CLNK: variants seen among roughly 807,000 people sequenced by gnomAD.
The protein encoded by CLNK is cytokine-dependent hematopoietic cell linker.
CLNK carries 74 observed loss-of-function variants against 68.6 expected under a neutral mutation model. The observed-to-expected ratio is 1.08, with a 90% CI of 0.89 to 1.31. CLNK has a LOEUF of 1.31. CLNK is among the 50% of genes most tolerant of loss of function. The pLI, the probability that CLNK is intolerant of heterozygous loss-of-function variation, is 0.00. For synonymous variants in CLNK, 198 were observed against 172.2 expected, an observed-to-expected ratio of 1.15 and a Z score of -1.17; for missense variants, 553 against 515.3, an observed-to-expected ratio of 1.07 and a Z score of -0.71.
intron 18 of CLNK, among the ~76,000 whole-genome samples, chr4:10,500,544 G>A (rs1214769968): frequency 1.3e-5 from 2 of 152,068 alleles, no homozygotes; most frequent in Non-Finnish European, 2.9e-5. Context: ...GCCGGGTTTG[G>A]TGGGGCATGC....
At chr4:10,543,361 A>C (rs1392242332) in intron 8 of CLNK, among the ~76,000 whole-genome samples, 1 of 152,122 alleles carries the variant, frequency 6.6e-6, no homozygotes, top group Non-Finnish European at 1.5e-5. Context: ...GAAAATGTCT[A>C]TCTTTTGTTA....
chr4:10,631,881 A>T (rs1029332915), intron 2 of CLNK, among the ~76,000 whole-genome samples: 2 of 152,202 alleles, frequency 1.3e-5, no homozygotes, highest in Non-Finnish European at 2.9e-5. Context: ...CTATTGGACA[A>T]TTGGGTAAGG....
At chr4:10,501,435 A>T in intron 17 of CLNK, 24 bp from the exon 18 acceptor site, 1 of 1,601,202 alleles carries the variant, frequency 6.2e-7, no homozygotes, top group Non-Finnish European at 8.5e-7. Flanking sequence ...AGTAACAGTC[A>T]TCTTTTCAGA....
chr4:10,720,582 C>T, the CLNK span, among the ~76,000 whole-genome samples: 4 of 150,934 alleles, frequency 2.7e-5, no homozygotes, highest in Non-Finnish European at 4.4e-5. Flanking sequence ...CTCCGCAAAA[C>T]GTGTACCATT....
intron 8 of CLNK, among the ~76,000 whole-genome samples, chr4:10,551,701 G>A (rs191883579): frequency 6.7e-4 from 102 of 152,212 alleles, no homozygotes; most frequent in African/African-American, 2.3e-3. Context: ...TGGGGCTTAC[G>A]GGCTTATTGA....
intron 2 of CLNK, among the ~76,000 whole-genome samples, chr4:10,638,053 C>A (rs919676623): frequency 6.6e-6 from 1 of 152,194 alleles, no homozygotes; most frequent in Non-Finnish European, 1.5e-5. Flanking sequence ...CCCTGCAAGC[C>A]AGTGGCAGGT....
intron 2 of CLNK, among the ~76,000 whole-genome samples, chr4:10,644,090 G>A (rs977575006): frequency 1.3e-5 from 2 of 152,254 alleles, no homozygotes; most frequent in African/African-American, 2.4e-5. Flanking sequence ...TCAGGAAGCT[G>A]AGTATGGCTC....
chr4:10,510,483 T>G (rs1717531193), intron 16 of CLNK, among the ~76,000 whole-genome samples: 1 of 152,156 alleles, frequency 6.6e-6, no homozygotes, highest in Non-Finnish European at 1.5e-5. Context: ...AAATCAAAAA[T>G]AAAATTCTAA....
At chr4:10,685,410 G>C (rs1436037482), upstream of CLNK, among the ~76,000 whole-genome samples, 1 of 152,072 alleles carries the variant, frequency 6.6e-6, no homozygotes, top group Non-Finnish European at 1.5e-5. Flanking sequence ...TATTTTAGAA[G>C]TATTTCAATA....
At chr4:10,518,583 A>G (rs975376179) in intron 15 of CLNK, among the ~76,000 whole-genome samples, 2 of 152,232 alleles carry the variant, frequency 1.3e-5, no homozygotes, top group Admixed American at 1.3e-4. Flanking sequence ...GAATATAACC[A>G]AAACTGGGGC....
chr4:10,560,502 G>T (rs1719844806), intron 7 of CLNK, among the ~76,000 whole-genome samples: 1 of 152,172 alleles, frequency 6.6e-6, no homozygotes, highest in South Asian at 2.1e-4. Flanking sequence ...GGAATGCAGT[G>T]GCATGATTTC....
chr4:10,681,010 T>C (rs1258891321), intron 1 of CLNK, among the ~76,000 whole-genome samples: 43 of 152,118 alleles, frequency 2.8e-4, no homozygotes, highest in Non-Finnish European at 8.8e-5. Flanking sequence ...TATAAATTTC[T>C]ACAGGTAACC....
At chr4:10,569,188 C>CT (rs57423330) in intron 5 of CLNK, among the ~76,000 whole-genome samples, 8,747 of 124,340 alleles carry the variant, frequency 0.07, 392 homozygotes, top group Middle Eastern at 0.12. Context: ...CAAGACTGCC[C>CT]TTTTTTTTTT....
intron 2 of CLNK, among the ~76,000 whole-genome samples, chr4:10,661,668 A>G (rs1335037051): frequency 6.6e-6 from 1 of 152,216 alleles, no homozygotes; most frequent in African/African-American, 2.4e-5. Context: ...TTAAAACTAG[A>G]CACTGCATTC....
At chr4:10,623,930 T>G (rs1319444915) in intron 2 of CLNK, among the ~76,000 whole-genome samples, 1 of 152,070 alleles carries the variant, frequency 6.6e-6, no homozygotes, top group Non-Finnish European at 1.5e-5. Flanking sequence ...TGTAGACTAG[T>G]GAAGAAAGGA....
At chr4:10,521,220 A>C (rs1185387249) in intron 14 of CLNK, among the ~76,000 whole-genome samples, 1 of 152,228 alleles carries the variant, frequency 6.6e-6, no homozygotes, top group Non-Finnish European at 1.5e-5. Flanking sequence ...AGTCAACCAT[A>C]AAGTGGAAGA....
chr4:10,538,446 C>T (rs1169364300), intron 11 of CLNK, among the ~76,000 whole-genome samples: 4 of 152,132 alleles, frequency 2.6e-5, no homozygotes, highest in Non-Finnish European at 5.9e-5. Context: ...TTTATTAATC[C>T]TATTTTCTGT....
rs370367163 is a variant in CLNK, at chr4:10,586,440, G to A, written c.84-1485C>T. Among the ~76,000 whole-genome samples, 131 of 149,046 alleles carry A rather than the reference G, an allele frequency of 8.8e-4. 1 individual carries two copies. Among genetic ancestry groups the A allele is most frequent in the Middle Eastern group, 3.4e-3 (1 of 290 alleles). On this transcript the variant is annotated intron_variant, in intron 3 of 18. Transcript: ENST00000226951. ...AGCAATTCTCCTGCCTCAGCCTCCT[G>A]AGTAACTGGGATTACAGGCACGTGC...
In CLNK at chr4:10,490,251, C is replaced by T. The variant is rs1002982664; in HGVS notation, c.*216G>A. ...TTATTTATTTTCCAGTGGCCAGTTA[C>T]TAGAATGTTTTTATTTTTTGCATGT... On this transcript the variant is annotated 3_prime_UTR_variant, in exon 19 of 19. Coordinates refer to ENST00000226951, the MANE Select transcript of CLNK (RefSeq NM_052964.4). 2.4e-6 allele frequency: 1 copy of T among 424,120 alleles called. No individual in the cohort carries two copies. Among genetic ancestry groups the T allele is most frequent in the East Asian group, 3.7e-5 (1 of 26,878 alleles). 26.3% of individuals were successfully genotyped at this position (424,120 alleles called of 1,614,324 possible).
Sources: allele counts gnomAD v4.1 joint callset (sites outside exome capture counted in the v4.1 genomes callset), GRCh38; gene constraint gnomAD v4.1.1; transcripts MANE v1.5; gene names NCBI Gene and HGNC (gene_info 2026-07-23, HGNC 2026-07-21).